Variants in CCDC180 observed in about 807,000 individuals in gnomAD.
CCDC180 encodes the protein coiled-coil domain containing 180, also known as coiled-coil domain-containing protein 180.
In CCDC180, 154 loss-of-function variants were observed where a neutral mutation model predicts 209.2. The ratio of observed to expected loss-of-function variants is 0.74; its 90% CI spans 0.65 to 0.84. The LOEUF is 0.84. Ranked by LOEUF, CCDC180 falls within the 40% of genes least tolerant of loss-of-function variation. The probability of loss-of-function intolerance (pLI) is 0.00; values close to 1 mark genes in which losing one functional copy is unlikely to be tolerated. For missense variants in CCDC180, 1,874 were observed against 1,997.3 expected (o/e 0.94, Z 1.18); for synonymous variants, 778 against 749.1 (o/e 1.04, Z -0.63).
intron 2 of CCDC180, among the ~76,000 whole-genome samples, chr9:97,309,186 C>T (rs2118504741): frequency 1.3e-5 from 2 of 152,294 alleles, no homozygotes; most frequent in East Asian, 3.9e-4. Flanking sequence ...TCATCTTGAT[C>T]TTCATTTAAG....
In CCDC180 at chr9:97,350,474, C is replaced by T; in HGVS notation, c.2921C>T (p.Ser974Phe). 1.3e-6 allele frequency: 2 copies of T among 1,536,310 alleles called. No individual in the cohort carries two copies. Among genetic ancestry groups the T allele is most frequent in the Non-Finnish European group, 1.7e-6 (2 of 1,146,978 alleles). Residue 974 changes from serine to phenylalanine, a missense_variant, in exon 22 of 37, where the codon TCC becomes TTC. Ser to Phe is a radical substitution (Grantham distance 155). Coordinates refer to ENST00000529487, the MANE Select transcript of CCDC180 (RefSeq NM_020893.6). The stretch of plus-strand genomic sequence containing the variant: ...AGCTATGTTGATGTCACCCAGGTGT[C>T]CCTGCGCAGCTTCCGGCAGTACTTG... The part of the protein sequence containing the change: ...LLSYVDVTQV[S>F]LRSFRQYLEE...
Position 97,349,200 on chromosome 9 carries a change from T to C in CCDC180, c.2764T>C (p.Phe922Leu), listed in dbSNP as rs1249491130. 2 of 1,536,244 alleles carry C rather than the reference T, an allele frequency of 1.3e-6. No individual in the cohort carries two copies. Among genetic ancestry groups the C allele is most frequent in the Non-Finnish European group, 1.7e-6 (2 of 1,146,962 alleles). The stretch of plus-strand genomic sequence containing the variant: ...GAAGAAGCGGCTGATGTTCTGCCAG[T>C]TCCAAGAAGAGCAAAACGTGAGGAG... ...LKKKRLMFCQFQEEQNVRSKN... is the reference protein window; with the variant it reads ...LKKKRLMFCQLQEEQNVRSKN... The change falls in exon 21 of 37, where the codon TTC becomes CTC. Residue 922 changes from phenylalanine (F) to leucine (L), a missense_variant. Transcript: ENST00000529487.
In CCDC180 at chr9:97,364,120, T is replaced by TG; in HGVS notation, c.3973dup (p.Ala1325GlyfsTer6). The TG allele has an allele frequency of 6.2e-7, 1 of 1,614,076 alleles. No individual in the cohort carries two copies. ...GGGTGCTTGGGGACAAGCCTCCCCC[T>TG]GCTGCCGAGTGAGTAACAACGCCTT... On this transcript the variant is annotated frameshift_variant, in exon 29 of 37. Transcript: ENST00000529487. LOFTEE classifies it high-confidence loss of function.
intron 12 of CCDC180, 150 bp from the exon 13 acceptor site, chr9:97,323,631 G>T: frequency 1.0e-6 from 1 of 975,714 alleles, no homozygotes; most frequent in Non-Finnish European, 1.4e-6. Context: ...TGGCCCTCCA[G>T]ACCCTAAGGG....
In CCDC180 at chr9:97,343,356, A is replaced by G. The variant is rs146215337; in HGVS notation, c.2291A>G (p.Glu764Gly). The G allele has an allele frequency of 6.2e-6, 10 of 1,608,336 alleles. No homozygotes were observed. The African/African-American group carries it at 1.3e-4, about 22-fold the overall frequency. ...CCTGCTTAGGAAGAAGACAAGGAAGAGGGTCTAGAGGAGATATACTATGAG... is the reference window on the plus strand; with the variant it reads ...CCTGCTTAGGAAGAAGACAAGGAAGGGGGTCTAGAGGAGATATACTATGAG... ...LSVGEEEDKEEGLEEIYYEDM... is the reference protein window; with the variant it reads ...LSVGEEEDKEGGLEEIYYEDM... Residue 764 changes from glutamate to glycine, a missense_variant, in exon 19 of 37, where the codon GAG (glutamate) becomes GGG (glycine). Coordinates refer to ENST00000529487, the MANE Select transcript of CCDC180 (RefSeq NM_020893.6).
Position 97,364,118 on chromosome 9 carries a change from C to T in CCDC180, c.3970C>T (p.Pro1324Ser), listed in dbSNP as rs1018226314. The T allele has an allele frequency of 6.2e-7, 1 of 1,614,094 alleles. No homozygotes were observed. The highest frequency in any genetic ancestry group is 8.5e-7 in the Non-Finnish European group (1 of 1,180,022). ...KYRVLGDKPP[P>S]AAEDFKGIIL... Reference sequence around the variant, plus strand: ...CCGGGTGCTTGGGGACAAGCCTCCCCCTGCTGCCGAGTGAGTAACAACGCC... The same window carrying T: ...CCGGGTGCTTGGGGACAAGCCTCCCTCTGCTGCCGAGTGAGTAACAACGCC... Residue 1324 changes from proline to serine, a missense_variant, in exon 29 of 37, where the codon CCT becomes TCT. Coordinates refer to ENST00000529487, the MANE Select transcript of CCDC180 (RefSeq NM_020893.6).
chr9:97,336,795 G>A (rs1271265881), intron 18 of CCDC180, among the ~76,000 whole-genome samples: 2 of 152,156 alleles, frequency 1.3e-5, no homozygotes, highest in Non-Finnish European at 2.9e-5. Flanking sequence ...CTATCCATGA[G>A]GATGGAATGT....
chr9:97,366,666 C>G lies in CCDC180; in HGVS notation c.4155C>G (p.Ser1385Arg), dbSNP rs1482968995. 5 of 1,614,030 alleles carry G rather than the reference C, an allele frequency of 3.1e-6. No homozygotes were observed. In the African/African-American group the frequency reaches 6.7e-5, roughly 22 times the overall value. The change falls in exon 31 of 37, where the codon AGC (serine) becomes AGG (arginine). Residue 1385 changes from serine to arginine, a missense_variant. Transcript: ENST00000529487. This position sits in a 1 kb window ranked among gnomAD's most constrained non-coding sequence, Gnocchi z 4.3. ...NISKKILEYQ[S>R]QANKYHNSCL... ...GCAAAAAGATCCTGGAGTATCAGAGCCAGGCAAATAAGTACCACAACTCCT... is the reference window on the plus strand; with the variant it reads ...GCAAAAAGATCCTGGAGTATCAGAGGCAGGCAAATAAGTACCACAACTCCT...
Position 97,313,107 on chromosome 9 carries a change from C to A in CCDC180, c.350-129C>A, listed in dbSNP as rs542851166. 9 of 626,238 alleles carry A rather than the reference C, an allele frequency of 1.4e-5. No homozygotes were observed. The South Asian group carries it at 1.6e-4, about 11-fold the overall frequency. 38.8% of individuals were successfully genotyped at this position (626,238 alleles called of 1,614,324 possible). ...ATCTTTTCTCTTTTTCCTTAAGCCT[C>A]TGCCACCCTGACCTGGCTCTGGGGT... On this transcript the variant is annotated intron_variant, in intron 4 of 36. Coordinates refer to ENST00000529487, the MANE Select transcript of CCDC180 (RefSeq NM_020893.6).
chr9:97,360,326 C>T (rs144620373), intron 26 of CCDC180, among the ~76,000 whole-genome samples: 1 of 152,116 alleles, frequency 6.6e-6, no homozygotes, highest in African/African-American at 2.4e-5. Context: ...GGAGACCCCT[C>T]AGCTCCTGGC....
In CCDC180 at chr9:97,337,163, C is replaced by T. The variant is rs1825932652; in HGVS notation, c.2275-6177C>T. Among the ~76,000 whole-genome samples, 3 of 152,190 alleles carry T rather than the reference C, an allele frequency of 2.0e-5. No homozygotes were observed. The South Asian group carries it at 6.2e-4, about 32-fold the overall frequency. On this transcript the variant is annotated intron_variant, in intron 18 of 36. Transcript: ENST00000529487. ...AATTGAATACCCTTTATTTCTTTCT[C>T]TTGCCTGATTGCCCTGGCCAGAACT...
intron 33 of CCDC180, 88 bp downstream of exon 33, chr9:97,370,866 C>T: frequency 1.5e-6 from 2 of 1,364,288 alleles, no homozygotes; most frequent in South Asian, 1.5e-5. Context: ...GCAGCCCTTT[C>T]TTGGTATCTT....
Position 97,375,481 on chromosome 9 carries a change from A to C in CCDC180, c.4734A>C (p.Glu1578Asp), listed in dbSNP as rs781481933. ...AGTGGCCAGGGATCAAACCCACCGAAGTCACCATCCAAAACAAGATTCTTC... is the reference window on the plus strand; with the variant it reads ...AGTGGCCAGGGATCAAACCCACCGACGTCACCATCCAAAACAAGATTCTTC... The part of the protein sequence containing the change: ...SRKWPGIKPT[E>D]VTIQNKILLQ... Residue 1578 changes from glutamate (E) to aspartate (D), a missense_variant, in exon 36 of 37, where the codon GAA becomes GAC. Transcript: ENST00000529487. The C allele has an allele frequency of 1.2e-6, 2 of 1,614,202 alleles. No individual in the cohort carries two copies. Among genetic ancestry groups the C allele is most frequent in the Admixed American group, 3.3e-5 (2 of 60,020 alleles).
chr9:97,317,091 C>G lies in CCDC180; in HGVS notation c.822C>G (p.Asn274Lys). Residue 274 changes from asparagine (N) to lysine (K), a missense_variant, in exon 9 of 37, where the codon AAC (asparagine) becomes AAG (lysine). Coordinates refer to ENST00000529487, the MANE Select transcript of CCDC180 (RefSeq NM_020893.6). ...TCATGAACTATGCCCTGCTGGGCAA[C>G]CGGAAGGCTCTCGCCCAGCTGTTTG... ...AMVMNYALLG[N>K]RKALAQLFVN... 6.2e-7 allele frequency: 1 copy of G among 1,613,082 alleles called. No homozygotes were observed. The highest frequency in any genetic ancestry group is 8.5e-7 in the Non-Finnish European group (1 of 1,179,528).
chr9:97,321,252 A>G (rs1242162681), intron 11 of CCDC180, among the ~76,000 whole-genome samples: 1 of 152,248 alleles, frequency 6.6e-6, no homozygotes, highest in Non-Finnish European at 1.5e-5. Context: ...TTATTGGGAC[A>G]TAACCCCATT....
Position 97,350,441 on chromosome 9 carries a change from AGT to A in CCDC180, c.2889_2890del (p.Glu963AspfsTer3). On this transcript the variant is annotated frameshift_variant, in exon 22 of 37. Coordinates refer to ENST00000529487, the MANE Select transcript of CCDC180 (RefSeq NM_020893.6). LOFTEE classifies it high-confidence loss of function. ...ACTCTCAGCAACACACTGCACCAGGAGTTGCTTAGCTATGTTGATGTCACCCA... is the reference window on the plus strand; with the variant it reads ...ACTCTCAGCAACACACTGCACCAGGATGCTTAGCTATGTTGATGTCACCCA... 1 of 1,535,788 alleles carries A rather than the reference AGT, an allele frequency of 6.5e-7. No individual in the cohort carries two copies. The highest frequency in any genetic ancestry group is 8.7e-7 in the Non-Finnish European group (1 of 1,146,910).
chr9:97,369,996 G>C lies in CCDC180; in HGVS notation c.4264G>C (p.Glu1422Gln). 1 of 1,614,132 alleles carries C rather than the reference G, an allele frequency of 6.2e-7. No homozygotes were observed. Residue 1422 changes from glutamate to glutamine, a missense_variant, in exon 32 of 37, where the codon GAA becomes CAA. Glu to Gln is a conservative substitution (Grantham distance 29). Transcript: ENST00000529487. ...VCWLVMENFK[E>Q]HHWKKFFTSV... ...TTGGCTGGTGATGGAGAATTTCAAG[G>C]AACACCACTGGAAAAAGTTTTTCAC...
chr9:97,343,085 G>A (rs1429387727), intron 18 of CCDC180, among the ~76,000 whole-genome samples: 6 of 152,204 alleles, frequency 3.9e-5, no homozygotes, highest in Non-Finnish European at 5.9e-5. Context: ...TCCAACTAAA[G>A]ATGCCATGTG....
At chr9:97,325,319 T>C in intron 14 of CCDC180, 127 bp downstream of exon 14, 1 of 971,514 alleles carries the variant, frequency 1.0e-6, no homozygotes, top group Non-Finnish European at 1.5e-6. Flanking sequence ...AGGCTCACGT[T>C]GGTCATGGGA....
Sources: gnomAD v4.1 joint callset for allele counts (sites outside exome capture counted in the v4.1 genomes callset) on GRCh38, gnomAD v4.1.1 for gene constraint, Gnocchi (gnomAD v3.1) non-coding constraint, MANE v1.5 for transcripts, NCBI Gene and HGNC (gene_info 2026-07-23, HGNC 2026-07-21) for gene names.